Variants in AKT3 observed in about 807,000 individuals in gnomAD.
AKT3 encodes the protein AKT serine/threonine kinase 3, also known as RAC-gamma serine/threonine-protein kinase.
Under a neutral mutation model 65.3 loss-of-function variants are expected in AKT3, and 15 were observed. The observed-to-expected ratio is 0.23, with a 90% CI of 0.15 to 0.35. The LOEUF (loss-of-function observed/expected upper bound fraction) is 0.35, where lower values mean the gene tolerates loss of function less well. Ranked by LOEUF, AKT3 falls within the 10% of genes least tolerant of loss-of-function variation. AKT3 has a pLI of 1.00. For missense variants in AKT3, 243 were observed against 576.5 expected (o/e 0.42, Z 5.92); for synonymous variants, 206 against 183.8 (o/e 1.12, Z -0.98).
At chr1:243,516,137 G>A (rs1670338746) in intron 12 of AKT3, among the ~76,000 whole-genome samples, 1 of 152,110 alleles carries the variant, frequency 6.6e-6, no homozygotes, top group African/African-American at 2.4e-5. Context: ...AAAATATGTG[G>A]GTCTGGTGTC....
chr1:243,655,198 A>C (rs938030658), intron 4 of AKT3, among the ~76,000 whole-genome samples: 3 of 152,060 alleles, frequency 2.0e-5, no homozygotes, highest in African/African-American at 7.2e-5. Context: ...ATTTTCTCTA[A>C]TGTGAGGTCT....
intron 8 of AKT3, among the ~76,000 whole-genome samples, chr1:243,594,386 T>G (rs1283589727): frequency 6.6e-6 from 1 of 152,118 alleles, no homozygotes; most frequent in African/African-American, 2.4e-5. Flanking sequence ...GACATGATAA[T>G]AAATTTATAT....
At chr1:243,809,964 AAAG>A (rs1693019089) in intron 2 of AKT3, among the ~76,000 whole-genome samples, 1 of 151,962 alleles carries the variant, frequency 6.6e-6, no homozygotes, top group African/African-American at 2.4e-5. Context: ...AGGCAGAAAT[AAAG>A]ATGTTCTTTG....
At chr1:243,847,871 C>T (rs1445555771) in intron 1 of AKT3, among the ~76,000 whole-genome samples, 1 of 152,066 alleles carries the variant, frequency 6.6e-6, no homozygotes, top group Non-Finnish European at 1.5e-5. Context: ...TTAAAGTACT[C>T]TGACATATAC....
intron 8 of AKT3, among the ~76,000 whole-genome samples, chr1:243,610,735 G>C (rs1180904554): frequency 6.6e-6 from 1 of 152,158 alleles, no homozygotes; most frequent in Non-Finnish European, 1.5e-5. Flanking sequence ...AATACCCAGT[G>C]CATAATTTCA....
intron 8 of AKT3, among the ~76,000 whole-genome samples, chr1:243,610,481 G>A (rs915105712): frequency 1.3e-5 from 2 of 152,162 alleles, no homozygotes; most frequent in African/African-American, 2.4e-5. Context: ...ACACAATACC[G>A]TTTAAAAAAG....
At chr1:243,516,641 A>ACCTCTGGCCTCGAGCAATC (rs201419738) in intron 12 of AKT3, among the ~76,000 whole-genome samples, 3 of 151,374 alleles carry the variant, frequency 2.0e-5, no homozygotes, top group African/African-American at 7.3e-5. Context: ...AAGCCTCAAA[A>ACCTCTGGCCTCGAGCAATC]CTCCTGGCCT....
Position 243,615,145 on chromosome 1 carries a change from G to A in AKT3, c.578C>T (p.Thr193Ile). 6.2e-7 allele frequency: 1 copy of A among 1,608,258 alleles called. No individual in the cohort carries two copies. Among genetic ancestry groups the A allele is most frequent in the Non-Finnish European group, 8.5e-7 (1 of 1,176,682 alleles). The change falls in exon 7 of 14, where the codon ACT becomes ATT. Residue 193 changes from threonine to isoleucine, a missense_variant. This residue lies in a region of AKT3 where 61 missense variants were observed against 163.3 expected (regional missense o/e 0.37). Transcript: ENST00000673466. The stretch of plus-strand genomic sequence containing the variant: ...CTTTAATACTCTGCTTTCAGTTAGA[G>A]TGTGTGCCACTTCATCCTACAAAAG... ...VIIAKDEVAH[T>I]LTESRVLKNT...
intron 2 of AKT3, chr1:243,794,166 TGGGACTACA>T (rs1375253321): frequency 6.6e-6 from 1 of 152,304 alleles, no homozygotes; most frequent in Non-Finnish European, 1.5e-5. Context: ...CCCAATTAGC[TGGGACTACA>T]GGCGCAAGCC....
chr1:243,613,606 T>C (rs1678063139), intron 8 of AKT3, 65 bp downstream of exon 8: 1 of 1,264,228 alleles, frequency 7.9e-7, no homozygotes, highest in Non-Finnish European at 1.1e-6. Flanking sequence ...ACTTGTATTT[T>C]AAGTAATGTT....
chr1:243,770,318 T>A (rs899264825), intron 2 of AKT3, among the ~76,000 whole-genome samples: 4 of 152,128 alleles, frequency 2.6e-5, no homozygotes. Context: ...CATTATCCTA[T>A]CCCATTATTT....
chr1:243,764,616 A>C (rs1278616382), intron 2 of AKT3, among the ~76,000 whole-genome samples: 1 of 152,066 alleles, frequency 6.6e-6, no homozygotes, highest in Non-Finnish European at 1.5e-5. Context: ...CCGAGTACTG[A>C]CCTCTATTAC....
intron 2 of AKT3, among the ~76,000 whole-genome samples, chr1:243,743,795 C>T (rs1302291288): frequency 6.6e-6 from 1 of 152,148 alleles, no homozygotes; most frequent in Admixed American, 6.5e-5. Context: ...GGATTGCTTA[C>T]ACCCAGGAGT....
chr1:243,580,828 T>C (rs1675286609), intron 8 of AKT3, among the ~76,000 whole-genome samples: 1 of 152,132 alleles, frequency 6.6e-6, no homozygotes, highest in African/African-American at 2.4e-5. Flanking sequence ...AGTAACCATT[T>C]GCCTAGTTGA....
At position 243,500,532 on chromosome 1, in the gene AKT3, A is replaced by G. The variant is rs1043949041; in HGVS notation, c.*4717T>C. 1.1e-4 allele frequency: 25 copies of G among 227,230 alleles called. No homozygotes were observed. The highest frequency in any genetic ancestry group is 1.7e-4 in the Non-Finnish European group (20 of 114,484). 14.1% of individuals were successfully genotyped at this position (227,230 alleles called of 1,614,324 possible). On this transcript the variant is annotated 3_prime_UTR_variant, in exon 14 of 14. Transcript: ENST00000673466. ...ATTATTTGTCTAAAATAGTATTTCT[A>G]CTATACACAATTAAGCCCTCAAATG...
intron 2 of AKT3, among the ~76,000 whole-genome samples, chr1:243,831,671 T>C (rs977275701): frequency 6.6e-6 from 1 of 152,152 alleles, no homozygotes; most frequent in Non-Finnish European, 1.5e-5. Context: ...GTACAGCTTC[T>C]CTGCATTCTC....
At chr1:243,606,834 A>T (rs1187115960) in intron 8 of AKT3, among the ~76,000 whole-genome samples, 4 of 152,154 alleles carry the variant, frequency 2.6e-5, no homozygotes, top group African/African-American at 4.8e-5. Flanking sequence ...GGGCCCCCCA[A>T]CCCGGCTCTG....
At chr1:243,580,270 G>A (rs1446175627) in intron 8 of AKT3, among the ~76,000 whole-genome samples, 1 of 152,098 alleles carries the variant, frequency 6.6e-6, no homozygotes, top group Non-Finnish European at 1.5e-5. Context: ...CATGAGAGAG[G>A]CAAGGAGCCT....
At chr1:243,757,382 C>T (rs1383283653) in intron 2 of AKT3, among the ~76,000 whole-genome samples, 2 of 152,192 alleles carry the variant, frequency 1.3e-5, no homozygotes, top group Non-Finnish European at 2.9e-5. Context: ...CTTTGGGAGG[C>T]TGAGGCGGGT....
Sources: gnomAD v4.1 joint callset for allele counts (sites outside exome capture counted in the v4.1 genomes callset) on GRCh38, gnomAD v4.1.1 for gene constraint, gnomAD v4.1.1 regional missense constraint, MANE v1.5 for transcripts, NCBI Gene and HGNC (gene_info 2026-07-23, HGNC 2026-07-21) for gene names.